Variants in BEND6 observed in about 807,000 individuals in gnomAD.
BEND6 encodes BEN domain containing 6.
In BEND6, 24 loss-of-function variants were observed where a neutral mutation model predicts 31.8. That is an observed-to-expected ratio of 0.75 (90% CI 0.55 to 1.06). The LOEUF is 1.06. Ranked by LOEUF, BEND6 falls within the 50% of genes least tolerant of loss-of-function variation. The pLI is 0.00. For missense variants in BEND6, 294 were observed against 327.4 expected (o/e 0.90, Z 0.79); for synonymous variants, 109 against 114.6 (o/e 0.95, Z 0.31).
At chr6:56,992,747 G>A (rs1826555751) in intron 3 of BEND6, among the ~76,000 whole-genome samples, 192 bp downstream of exon 3, 1 of 152,048 alleles carries the variant, frequency 6.6e-6, no homozygotes, top group Non-Finnish European at 1.5e-5. Flanking sequence ...TCTAGCTTAT[G>A]GCTTGAAAAT....
At chr6:57,011,574 C>T (rs560158880) in intron 3 of BEND6, among the ~76,000 whole-genome samples, 20 of 150,802 alleles carry the variant, frequency 1.3e-4, no homozygotes, top group South Asian at 6.3e-4. Context: ...AAATATTAGC[C>T]GGGCACAGTG....
Position 57,015,372 on chromosome 6 carries a change from C to T in BEND6, c.519+19C>T, listed in dbSNP as rs1350593732. On this transcript the variant is annotated intron_variant, in intron 4 of 6. Coordinates refer to ENST00000370746, the MANE Select transcript of BEND6 (RefSeq NM_152731.3). ...GAAACAGGTCAGTTGTAATACCCGCCTTATTGTTCTTTGGAATATGCTTAA... is the reference window on the plus strand; with the variant it reads ...GAAACAGGTCAGTTGTAATACCCGCTTTATTGTTCTTTGGAATATGCTTAA... 1 of 1,579,514 alleles carries T rather than the reference C, an allele frequency of 6.3e-7. No individual in the cohort carries two copies. Among genetic ancestry groups the T allele is most frequent in the South Asian group, 1.1e-5 (1 of 89,202 alleles).
chr6:56,967,617 CCTT>C (rs1279202719), intron 1 of BEND6, among the ~76,000 whole-genome samples: 3 of 152,102 alleles, frequency 2.0e-5, no homozygotes, highest in African/African-American at 4.8e-5. Flanking sequence ...GAAAGGGTCT[CCTT>C]CTCTAGCATC....
At chr6:56,982,385 T>C (rs947083992) in intron 2 of BEND6, among the ~76,000 whole-genome samples, 5 of 152,224 alleles carry the variant, frequency 3.3e-5, no homozygotes, top group Non-Finnish European at 7.3e-5. Flanking sequence ...GAATGCCTCA[T>C]CTGTAAGACA....
rs560846732 is a variant in BEND6 at position 57,016,887 on chromosome 6, C to T, written c.520-320C>T. 2.0e-5 allele frequency among the ~76,000 whole-genome samples: 3 copies of T among 152,226 alleles called. No homozygotes were observed. In the South Asian group the frequency reaches 6.2e-4, roughly 32 times the overall value. Reference sequence around the variant, plus strand: ...TTTCAGAGGGCCATTATTCTGCCTACTACATTTACGATGAAGCACTGAGTA... The same window carrying T: ...TTTCAGAGGGCCATTATTCTGCCTATTACATTTACGATGAAGCACTGAGTA... On this transcript the variant is annotated intron_variant, in intron 4 of 6. Transcript: ENST00000370746.
At chr6:57,008,163 A>G (rs1226933238) in intron 3 of BEND6, 6 of 702,728 alleles carry the variant, frequency 8.5e-6, no homozygotes, top group Non-Finnish European at 1.6e-5. Flanking sequence ...GATTATTTCT[A>G]TCTTATCTCC....
chr6:56,989,267 A>AAC (rs1264776151), intron 2 of BEND6, among the ~76,000 whole-genome samples: 1 of 151,152 alleles, frequency 6.6e-6, no homozygotes, highest in Non-Finnish European at 1.5e-5. Context: ...TTTCTTACTC[A>AAC]ACATTTTACT....
intron 3 of BEND6, among the ~76,000 whole-genome samples, chr6:56,995,230 A>C (rs1223837619): frequency 2.0e-5 from 3 of 151,954 alleles, no homozygotes; most frequent in South Asian, 2.1e-4. Flanking sequence ...TTTAAAAAAA[A>C]AAAAACAAAA....
At chr6:56,975,599 G>A (rs1287766445) in intron 1 of BEND6, 1 of 326,268 alleles carries the variant, frequency 3.1e-6, no homozygotes, top group Non-Finnish European at 6.1e-6. Context: ...CTTCTCGAAA[G>A]CACTCTAGCC....
At chr6:56,972,498 T>C (rs1400699009) in intron 1 of BEND6, among the ~76,000 whole-genome samples, 1 of 152,220 alleles carries the variant, frequency 6.6e-6, no homozygotes, top group Non-Finnish European at 1.5e-5. Context: ...AGTAACAAAG[T>C]GTAACTCTTG....
rs559928897 is a variant in BEND6, at chr6:57,000,605, A to C, written c.298+8050A>C. 6.7e-4 allele frequency among the ~76,000 whole-genome samples: 102 copies of C among 151,544 alleles called. 1 individual carries two copies. Among genetic ancestry groups the C allele is most frequent in the Non-Finnish European group, 1.2e-3 (82 of 67,908 alleles). ...AACAAACAAAAAAAAAAAACCATAAATAACAAGAATCCAAAATATGAGATA... is the reference window on the plus strand; with the variant it reads ...AACAAACAAAAAAAAAAAACCATAACTAACAAGAATCCAAAATATGAGATA... On this transcript the variant is annotated intron_variant, in intron 3 of 6. Coordinates refer to ENST00000370746, the MANE Select transcript of BEND6 (RefSeq NM_152731.3).
chr6:57,002,308 A>G (rs1290649547), intron 3 of BEND6, among the ~76,000 whole-genome samples: 1 of 150,696 alleles, frequency 6.6e-6, no homozygotes, highest in Non-Finnish European at 1.5e-5. Context: ...CAGATCATCC[A>G]TGCAGAAAAC....
intron 1 of BEND6, among the ~76,000 whole-genome samples, chr6:56,976,446 C>G (rs1451394325): frequency 6.6e-6 from 1 of 152,170 alleles, no homozygotes; most frequent in Non-Finnish European, 1.5e-5. Context: ...CTGCCCATCT[C>G]AGCCTCCCAA....
chr6:56,986,208 A>G (rs1324830893), intron 2 of BEND6, among the ~76,000 whole-genome samples: 1 of 152,206 alleles, frequency 6.6e-6, no homozygotes, highest in African/African-American at 2.4e-5. Context: ...TGTATTACAT[A>G]TGTATATATA....
intron 3 of BEND6, 38 bp downstream of exon 3, chr6:56,992,593 A>G (rs780125667): frequency 1.3e-6 from 2 of 1,584,060 alleles, no homozygotes; most frequent in East Asian, 4.5e-5. Context: ...GATAAAAGGG[A>G]AAGTATATGA....
chr6:57,015,452 G>A, intron 4 of BEND6, 99 bp downstream of exon 4: 1 of 1,119,544 alleles, frequency 8.9e-7, no homozygotes, highest in East Asian at 2.5e-5. Context: ...GATAACTATT[G>A]GATAAAATAG....
At chr6:56,971,124 G>C (rs1482647005) in intron 1 of BEND6, among the ~76,000 whole-genome samples, 1 of 152,072 alleles carries the variant, frequency 6.6e-6, no homozygotes, top group Non-Finnish European at 1.5e-5. Context: ...TTAAACAATA[G>C]TTCCTATTCC....
chr6:57,004,788 A>C, intron 3 of BEND6: 1 of 927,338 alleles, frequency 1.1e-6, no homozygotes, highest in Non-Finnish European at 1.8e-6. Context: ...AATCCATCAA[A>C]GAATTGGGTG....
intron 3 of BEND6, among the ~76,000 whole-genome samples, chr6:56,994,996 A>G (rs1356316034): frequency 1.3e-5 from 2 of 152,114 alleles, no homozygotes; most frequent in African/African-American, 4.8e-5. Context: ...ATAGGAAGCC[A>G]CTGCCATCTC....
Sources: allele counts gnomAD v4.1 joint callset (sites outside exome capture counted in the v4.1 genomes callset), GRCh38; gene constraint gnomAD v4.1.1; transcripts MANE v1.5; gene names NCBI Gene and HGNC (gene_info 2026-07-23, HGNC 2026-07-21).